SCNN1B: variants seen among roughly 807,000 people sequenced by gnomAD.
The protein encoded by SCNN1B is sodium channel epithelial 1 subunit beta.
In SCNN1B, 46 loss-of-function variants were observed where a neutral mutation model predicts 65.3. That is an observed-to-expected ratio of 0.70 (90% CI 0.56 to 0.90). The LOEUF (loss-of-function observed/expected upper bound fraction) is 0.90, where lower values mean the gene tolerates loss of function less well. SCNN1B is among the 40% of genes least tolerant of loss of function. The pLI is 0.00. For missense variants in SCNN1B, 751 were observed against 830.5 expected, an observed-to-expected ratio of 0.90 and a Z score of 1.18; for synonymous variants, 349 against 330.6, an observed-to-expected ratio of 1.06 and a Z score of -0.60.
chr16:23,305,562 A>AAACAT (rs1567290373), intron 1 of SCNN1B, among the ~76,000 whole-genome samples: 1 of 42,530 alleles, frequency 2.4e-5, no homozygotes, highest in African/African-American at 1.6e-4. Flanking sequence ...ATATATATAT[A>AAACAT]TATATATATA....
intron 1 of SCNN1B, among the ~76,000 whole-genome samples, chr16:23,322,011 T>G (rs893296541): frequency 6.6e-6 from 1 of 152,078 alleles, no homozygotes; most frequent in Non-Finnish European, 1.5e-5. Context: ...GGTGACAGAG[T>G]GAGACCCTGT....
At chr16:23,308,358 G>A (rs115242353) in intron 1 of SCNN1B, among the ~76,000 whole-genome samples, 5,096 of 152,088 alleles carry the variant, frequency 0.034, 270 homozygotes, top group African/African-American at 0.12. Flanking sequence ...CTCCATCTCT[G>A]TACAAAATTT....
chr16:23,377,746 CCTT>C (rs1962942887), intron 10 of SCNN1B, among the ~76,000 whole-genome samples: 1 of 135,620 alleles, frequency 7.4e-6, no homozygotes, highest in Non-Finnish European at 1.6e-5. Context: ...ACTTCTGTTT[CCTT>C]CTTTCTTTCC....
intron 1 of SCNN1B, among the ~76,000 whole-genome samples, chr16:23,327,411 T>C (rs987985714): frequency 1.3e-5 from 2 of 151,996 alleles, no homozygotes; most frequent in Non-Finnish European, 2.9e-5. Flanking sequence ...TGCACGCCTG[T>C]AATCCCAGCT....
intron 10 of SCNN1B, 106 bp from the exon 11 acceptor site, chr16:23,378,600 C>A (rs1309632181): frequency 3.1e-6 from 3 of 973,040 alleles, no homozygotes; most frequent in Non-Finnish European, 3.3e-6. Flanking sequence ...CCCCCGGGGG[C>A]CTCAGGAAGG....
intron 11 of SCNN1B, 107 bp from the exon 12 acceptor site, chr16:23,379,987 G>T (rs1429633220): frequency 2.3e-6 from 2 of 853,272 alleles, no homozygotes; most frequent in Non-Finnish European, 2.0e-6. Context: ...CATACATGTG[G>T]GTGTGTGCAC....
chr16:23,343,731 A>G (rs1962129553), intron 1 of SCNN1B, among the ~76,000 whole-genome samples: 1 of 152,126 alleles, frequency 6.6e-6, no homozygotes, highest in East Asian at 1.9e-4. Flanking sequence ...TAACAGGAAC[A>G]TTTACCATGA....
At chr16:23,305,571 TA>T (rs1961193824) in intron 1 of SCNN1B, among the ~76,000 whole-genome samples, 9 of 33,650 alleles carry the variant, frequency 2.7e-4, no homozygotes, top group Non-Finnish European at 4.6e-4. Context: ...TATATATATA[TA>T]TATATTATAT....
chr16:23,299,429 C>T (rs78610190), upstream of SCNN1B, among the ~76,000 whole-genome samples: 1,546 of 152,252 alleles, frequency 0.01, 15 homozygotes, highest in Middle Eastern at 0.041. Flanking sequence ...ACCAAATACA[C>T]CTGGGAAGCA....
At chr16:23,375,924 G>A (rs1295165455) in intron 8 of SCNN1B, 69 bp downstream of exon 8, 1 of 1,110,778 alleles carries the variant, frequency 9.0e-7, no homozygotes, top group African/African-American at 1.5e-5. Flanking sequence ...CATAGAGGAG[G>A]AGGCAGAGCT....
chr16:23,296,094 CCGGGCTGAAGGAGAAGT>C lies in SCNN1B; in HGVS notation n.178+12309_178+12325del, dbSNP rs749750671. Among the ~76,000 whole-genome samples the C allele has an allele frequency of 3.9e-4, 60 of 152,096 alleles. 1 individual carries two copies. The highest frequency in any genetic ancestry group is 7.6e-4 in the Non-Finnish European group (52 of 67,996). On this transcript the variant is annotated intron_variant and non_coding_transcript_variant, in intron 2 of 3. Transcript: ENST00000569789. ...GCTGGAGGCTTTTGTGGCCAATTGG[CCGGGCTGAAGGAGAAGT>C]CGGGCTGAAGGAGAAGTCAGACTGA...
intron 3 of SCNN1B, among the ~76,000 whole-genome samples, chr16:23,354,392 G>A (rs138330563): frequency 6.6e-6 from 1 of 152,254 alleles, no homozygotes; most frequent in African/African-American, 2.4e-5. Context: ...AGAATGCCAG[G>A]GGAAGCTTCT....
intron 1 of SCNN1B, among the ~76,000 whole-genome samples, chr16:23,332,303 C>T (rs917892487): frequency 1.3e-5 from 2 of 151,994 alleles, no homozygotes; most frequent in African/African-American, 2.4e-5. Flanking sequence ...TCAAGCGATT[C>T]TCCTGCCTCA....
intron 4 of SCNN1B, among the ~76,000 whole-genome samples, chr16:23,365,977 C>T (rs936793525): frequency 1.3e-5 from 2 of 152,152 alleles, no homozygotes; most frequent in African/African-American, 4.8e-5. Flanking sequence ...TATCTGAAAA[C>T]ACGGGAAAAT....
chr16:23,355,692 G>C lies in SCNN1B; in HGVS notation c.776+203G>C, dbSNP rs72654330. Among the ~76,000 whole-genome samples, 680 of 152,304 alleles carry C rather than the reference G, an allele frequency of 4.5e-3. 10 individuals carry two copies. Among genetic ancestry groups the C allele is most frequent in the African/African-American group, 0.015 (610 of 41,556 alleles). On this transcript the variant is annotated intron_variant, in intron 4 of 12. Transcript: ENST00000343070. ...GAGGCAGGGATGTATTGAAGAGCTCGCGAAGCATTGAGAGAACTGTGTTAG... is the reference window on the plus strand; with the variant it reads ...GAGGCAGGGATGTATTGAAGAGCTCCCGAAGCATTGAGAGAACTGTGTTAG...
chr16:23,331,150 C>T (rs1961803291), intron 1 of SCNN1B, among the ~76,000 whole-genome samples: 1 of 152,144 alleles, frequency 6.6e-6, no homozygotes, highest in Non-Finnish European at 1.5e-5. Flanking sequence ...GGTGGCAGGT[C>T]TCTGCCCCAC....
chr16:23,363,743 G>A (rs1237067060), intron 4 of SCNN1B, among the ~76,000 whole-genome samples: 1 of 151,880 alleles, frequency 6.6e-6, no homozygotes, highest in Non-Finnish European at 1.5e-5. Flanking sequence ...AAGGCCAGGA[G>A]TTTGAGGCTG....
At chr16:23,364,273 C>G (rs1962605845) in intron 4 of SCNN1B, among the ~76,000 whole-genome samples, 1 of 152,128 alleles carries the variant, frequency 6.6e-6, no homozygotes, top group East Asian at 1.9e-4. Context: ...ACTAATAGTT[C>G]TAGTCCATCA....
chr16:23,374,842 G>A (rs1489872872), intron 7 of SCNN1B, among the ~76,000 whole-genome samples: 2 of 151,956 alleles, frequency 1.3e-5, no homozygotes, highest in African/African-American at 2.4e-5. Flanking sequence ...CCAGGGCTGT[G>A]TCCAGGAGCC....
Sources: gnomAD v4.1 joint callset for allele counts (sites outside exome capture counted in the v4.1 genomes callset) on GRCh38, gnomAD v4.1.1 for gene constraint, MANE v1.5 for transcripts, NCBI Gene and HGNC (gene_info 2026-07-23, HGNC 2026-07-21) for gene names.